Variants in TCF4 observed in about 807,000 individuals in gnomAD.
TCF4 encodes the protein transcription factor 4, also known as SL3-3 enhancer factor 2.
A neutral mutation model predicts 82.1 loss-of-function variants in TCF4; 3 were observed. The ratio of observed to expected loss-of-function variants is 0.04; its 90% confidence interval spans 0.02 to 0.09. The LOEUF is 0.09. Among genes scored for constraint, TCF4 ranks in the 10% least tolerant of loss-of-function variants. TCF4 has a pLI of 1.00. For synonymous variants in TCF4, 276 were observed against 309.6 expected, an observed-to-expected ratio of 0.89 and a Z score of 1.14; for missense variants, 518 against 852.7, an observed-to-expected ratio of 0.61 and a Z score of 4.89.
chr18:55,496,669 T>C (rs1305166199), intron 3 of TCF4, among the ~76,000 whole-genome samples: 1 of 152,118 alleles, frequency 6.6e-6, no homozygotes, highest in Non-Finnish European at 1.5e-5. Flanking sequence ...CATGATGCCA[T>C]AAATCTTTGT....
intron 2 of TCF4, among the ~76,000 whole-genome samples, chr18:55,629,301 T>C (rs117343880): frequency 4.7e-4 from 72 of 152,344 alleles, no homozygotes; most frequent in Admixed American, 7.8e-4. Flanking sequence ...TTTATAGCTC[T>C]CTGGCAAAGC....
chr18:55,447,436 C>G lies in TCF4; in HGVS notation c.304+13583G>C, dbSNP rs75713372. The stretch of plus-strand genomic sequence containing the variant: ...GTAATTATCTGATATCTACCTGATT[C>G]TTTTATTAGGATGTGGGCCAAGTTG... On this transcript the variant is annotated intron_variant, in intron 5 of 19. Transcript: ENST00000354452. 1.8e-3 allele frequency among the ~76,000 whole-genome samples: 269 copies of G among 152,222 alleles called. 1 individual carries two copies. The highest frequency in any genetic ancestry group is 3.3e-3 in the Non-Finnish European group (226 of 68,018).
At chr18:55,293,532 A>G (rs1218540111) in intron 8 of TCF4, among the ~76,000 whole-genome samples, 1 of 152,158 alleles carries the variant, frequency 6.6e-6, no homozygotes, top group African/African-American at 2.4e-5. Context: ...ACAGAGCAGG[A>G]GACATCTTTC....
intron 5 of TCF4, among the ~76,000 whole-genome samples, chr18:55,407,300 T>C (rs761683034): frequency 3.9e-5 from 6 of 152,288 alleles, no homozygotes; most frequent in Non-Finnish European, 8.8e-5. Context: ...AACAACTTTC[T>C]TCTGCAAAAA....
chr18:55,595,965 G>A, intron 2 of TCF4: 1 of 284,508 alleles, frequency 3.5e-6, no homozygotes, highest in Middle Eastern at 1.3e-3. Flanking sequence ...AGGTACAGTG[G>A]CTCGCCTCTG....
intron 4 of TCF4, among the ~76,000 whole-genome samples, chr18:55,463,427 A>G (rs1329723121): frequency 6.6e-6 from 1 of 152,160 alleles, no homozygotes; most frequent in Non-Finnish European, 1.5e-5. Flanking sequence ...TTCCTATTAC[A>G]TTCCTATTAC....
chr18:55,321,992 C>T (rs1034660504), intron 8 of TCF4: 15 of 1,235,216 alleles, frequency 1.2e-5, no homozygotes, highest in Non-Finnish European at 1.5e-5. Context: ...CTAATGCATA[C>T]GCGAGATCGA....
chr18:55,433,191 G>T (rs901977299), intron 5 of TCF4, among the ~76,000 whole-genome samples: 3 of 152,174 alleles, frequency 2.0e-5, no homozygotes, highest in Admixed American at 1.3e-4. Flanking sequence ...GCAGAACTGT[G>T]TGCTAAGCCC....
At chr18:55,555,514 A>T (rs2097296127) in intron 3 of TCF4, among the ~76,000 whole-genome samples, 1 of 152,218 alleles carries the variant, frequency 6.6e-6, no homozygotes, top group Non-Finnish European at 1.5e-5. Context: ...TGAATAGTTG[A>T]TCTGATAGTA....
intron 5 of TCF4, among the ~76,000 whole-genome samples, chr18:55,415,498 G>C (rs981193826): frequency 1.3e-5 from 2 of 152,206 alleles, no homozygotes; most frequent in Non-Finnish European, 2.9e-5. Context: ...AGCCGGCTAT[G>C]GCCAGGCACT....
chr18:55,480,809 G>A (rs1453732312), intron 3 of TCF4, among the ~76,000 whole-genome samples: 1 of 152,192 alleles, frequency 6.6e-6, no homozygotes, highest in Non-Finnish European at 1.5e-5. Context: ...TAGGCCAGGC[G>A]TGGTGGCTTA....
intron 8 of TCF4, among the ~76,000 whole-genome samples, chr18:55,336,586 G>C (rs1406203851): frequency 1.3e-5 from 2 of 152,194 alleles, no homozygotes; most frequent in East Asian, 3.9e-4. Flanking sequence ...GAAAAAGAAA[G>C]AAGCTACCAT....
chr18:55,557,548 CTT>C (rs989706095), intron 3 of TCF4, among the ~76,000 whole-genome samples: 3 of 151,844 alleles, frequency 2.0e-5, no homozygotes, highest in Non-Finnish European at 4.4e-5. Flanking sequence ...TAAAATGTAA[CTT>C]ATATCAAGGA....
chr18:55,372,630 T>C (rs1174540332), intron 6 of TCF4, among the ~76,000 whole-genome samples: 2 of 151,838 alleles, frequency 1.3e-5, no homozygotes, highest in Non-Finnish European at 2.9e-5. Context: ...CATAAGGATA[T>C]ATAACTGTAT....
intron 3 of TCF4, among the ~76,000 whole-genome samples, chr18:55,579,339 A>G: frequency 6.6e-6 from 1 of 151,798 alleles, no homozygotes; most frequent in East Asian, 1.9e-4. Context: ...AGAAACCAGT[A>G]ACAAAAATAA....
intron 3 of TCF4, among the ~76,000 whole-genome samples, chr18:55,477,104 G>A (rs2145402990): frequency 6.6e-6 from 1 of 152,192 alleles, no homozygotes; most frequent in East Asian, 1.9e-4. Context: ...GAGTCTGACT[G>A]GTCATTTGGT....
intron 8 of TCF4, among the ~76,000 whole-genome samples, chr18:55,337,678 T>C (rs1289046034): frequency 6.6e-6 from 1 of 152,066 alleles, no homozygotes; most frequent in African/African-American, 2.4e-5. Flanking sequence ...GGGTGCGGAG[T>C]GGTGATAATT....
At chr18:55,355,484 G>A (rs1166314577) in intron 6 of TCF4, among the ~76,000 whole-genome samples, 1 of 152,132 alleles carries the variant, frequency 6.6e-6, no homozygotes, top group Admixed American at 6.5e-5. Context: ...ACAGTAGCAG[G>A]AGGGGGGCGA....
At chr18:55,592,317 G>A (rs2097686389), upstream of TCF4, among the ~76,000 whole-genome samples, 2 of 152,138 alleles carry the variant, frequency 1.3e-5, no homozygotes, top group African/African-American at 4.8e-5. Context: ...ACCCCTGGAG[G>A]CTACAAAGTC....
Sources: allele counts gnomAD v4.1 joint callset (sites outside exome capture counted in the v4.1 genomes callset), GRCh38; gene constraint gnomAD v4.1.1; transcripts MANE v1.5; gene names NCBI Gene and HGNC (gene_info 2026-07-23, HGNC 2026-07-21).